ANTXR1: variants seen among roughly 807,000 people sequenced by gnomAD.
ANTXR1 encodes anthrax toxin receptor 1.
A neutral mutation model predicts 78.1 loss-of-function variants in ANTXR1; 19 were observed. That is an observed-to-expected ratio of 0.24 (90% CI 0.17 to 0.36). The LOEUF (loss-of-function observed/expected upper bound fraction) is 0.36, where lower values mean the gene tolerates loss of function less well. Ranked by LOEUF, ANTXR1 falls within the 10% of genes least tolerant of loss-of-function variation. ANTXR1 has a pLI of 1.00. For synonymous variants in ANTXR1, 273 were observed against 260.5 expected (o/e 1.05, Z -0.46); for missense variants, 518 against 718.6 (o/e 0.72, Z 3.19).
At chr2:69,138,360 A>C (rs1011057206) in intron 12 of ANTXR1, among the ~76,000 whole-genome samples, 1 of 152,202 alleles carries the variant, frequency 6.6e-6, no homozygotes, top group Non-Finnish European at 1.5e-5. Flanking sequence ...ATATTGTCCT[A>C]GTTGGCAGCT....
intron 13 of ANTXR1, among the ~76,000 whole-genome samples, chr2:69,158,789 G>A (rs10170227): frequency 0.5 from 76,552 of 152,066 alleles, 20,280 homozygotes; most frequent in East Asian, 0.9. Context: ...AAGCCATGAC[G>A]TTCACTAGGT....
Position 69,075,602 on chromosome 2 carries a change from C to T in ANTXR1, c.505C>T (p.Arg169Ter), listed in dbSNP as rs397514700. The T allele has an allele frequency of 1.2e-6, 2 of 1,614,040 alleles. No individual in the cohort carries two copies. Among genetic ancestry groups the T allele is most frequent in the Non-Finnish European group, 1.7e-6 (2 of 1,179,974 alleles). Residue 169 changes from arginine (R) to a stop codon, truncating the protein, a stop_gained, in exon 7 of 18, where the codon CGA becomes TGA. Transcript: ENST00000303714. LOFTEE classifies it high-confidence loss of function. ...FYSEREANRSRDLGAIVYCVG... is the reference protein window; with the variant it reads ...FYSEREANRS ...TTCCTTTTCCCAGGCTAATAGGTCTCGAGATCTTGGTGCAATTGTTTACTG... is the reference window on the plus strand; with the variant it reads ...TTCCTTTTCCCAGGCTAATAGGTCTTGAGATCTTGGTGCAATTGTTTACTG...
chr2:69,148,521 C>T (rs1263439417), intron 12 of ANTXR1, among the ~76,000 whole-genome samples: 3 of 152,158 alleles, frequency 2.0e-5, no homozygotes, highest in Non-Finnish European at 2.9e-5. Flanking sequence ...CAAGTTTGTC[C>T]ATCTCTCCTT....
chr2:69,148,330 A>G (rs1378189065), intron 12 of ANTXR1, among the ~76,000 whole-genome samples: 1 of 152,150 alleles, frequency 6.6e-6, no homozygotes, highest in African/African-American at 2.4e-5. Context: ...TTGTGCGGGA[A>G]TGCTGACACC....
At chr2:69,240,031 T>C (rs1675858352) in intron 17 of ANTXR1, among the ~76,000 whole-genome samples, 1 of 152,270 alleles carries the variant, frequency 6.6e-6, no homozygotes, top group African/African-American at 2.4e-5. Context: ...GGATTCTTGC[T>C]ATCCTTTCTC....
At chr2:69,184,847 A>C (rs74263546) in intron 16 of ANTXR1, among the ~76,000 whole-genome samples, 7,434 of 152,262 alleles carry the variant, frequency 0.049, 460 homozygotes, top group African/African-American at 0.14. Flanking sequence ...TGTCAGAATC[A>C]CCTGAGAGTG....
At chr2:69,157,230 C>T (rs1224325109) in intron 13 of ANTXR1, among the ~76,000 whole-genome samples, 3 of 152,102 alleles carry the variant, frequency 2.0e-5, no homozygotes, top group Non-Finnish European at 4.4e-5. Flanking sequence ...TCTCCTACGT[C>T]TCTGTGCAGT....
chr2:69,019,777 A>G (rs1168984268), intron 1 of ANTXR1, among the ~76,000 whole-genome samples: 1 of 149,574 alleles, frequency 6.7e-6, no homozygotes, highest in Non-Finnish European at 1.5e-5. Context: ...GTTCCCCTCT[A>G]TGTGTCCATG....
At chr2:69,171,193 TACAG>T (rs1673974196) in intron 14 of ANTXR1, among the ~76,000 whole-genome samples, 1 of 152,208 alleles carries the variant, frequency 6.6e-6, no homozygotes, top group Admixed American at 6.5e-5. Flanking sequence ...GTTTCCTACA[TACAG>T]AAAGAGTAAT....
In ANTXR1 at chr2:69,013,856, G is replaced by T. The variant is rs574751856; in HGVS notation, c.152+205G>T. 1.3e-5 allele frequency among the ~76,000 whole-genome samples: 2 copies of T among 152,350 alleles called. No individual in the cohort carries two copies. Among genetic ancestry groups the T allele is most frequent in the Non-Finnish European group, 2.9e-5 (2 of 68,034 alleles). On this transcript the variant is annotated intron_variant, in intron 1 of 17. Coordinates refer to ENST00000303714, the MANE Select transcript of ANTXR1 (RefSeq NM_032208.3). The surrounding 1 kb of genome is among the most constrained non-coding windows in gnomAD (Gnocchi z 5.0). The stretch of plus-strand genomic sequence containing the variant: ...CTCGGCTCCAGAGCCCGCAGCCGAG[G>T]CGACGCCGCTTGCTCGGAAGGGGAC...
intron 3 of ANTXR1, among the ~76,000 whole-genome samples, chr2:69,045,606 G>T (rs1234219981): frequency 3.3e-5 from 5 of 152,126 alleles, no homozygotes; most frequent in African/African-American, 9.7e-5. Context: ...CAGTACAGGG[G>T]GGGCAGGAAG....
intron 14 of ANTXR1, among the ~76,000 whole-genome samples, chr2:69,178,404 G>C (rs1024458046): frequency 2.0e-5 from 3 of 152,254 alleles, no homozygotes; most frequent in Non-Finnish European, 2.9e-5. Flanking sequence ...CGACGGGCTC[G>C]GTGGCGCGGC....
intron 17 of ANTXR1, among the ~76,000 whole-genome samples, chr2:69,209,127 G>C (rs1325388038): frequency 6.6e-6 from 1 of 152,188 alleles, no homozygotes; most frequent in Non-Finnish European, 1.5e-5. Context: ...CATCATCACA[G>C]AGAAGAACTT....
intron 7 of ANTXR1, 144 bp downstream of exon 7, chr2:69,075,802 T>C: frequency 1.2e-6 from 1 of 821,410 alleles, no homozygotes; most frequent in Non-Finnish European, 2.1e-6. Flanking sequence ...CAGGAAGGAA[T>C]TACTGGTTGT....
At chr2:69,032,204 A>G (rs1346061839) in intron 1 of ANTXR1, among the ~76,000 whole-genome samples, 1 of 152,238 alleles carries the variant, frequency 6.6e-6, no homozygotes, top group East Asian at 1.9e-4. Flanking sequence ...CATAACCATA[A>G]TGACATTAAG....
intron 17 of ANTXR1, among the ~76,000 whole-genome samples, chr2:69,226,971 G>A (rs1012689195): frequency 7.2e-5 from 11 of 152,120 alleles, no homozygotes; most frequent in African/African-American, 2.7e-4. Context: ...AATTAGTGCA[G>A]GCTGGATTCG....
intron 3 of ANTXR1, among the ~76,000 whole-genome samples, chr2:69,062,782 G>A (rs552252680): frequency 4.6e-5 from 7 of 152,156 alleles, no homozygotes; most frequent in African/African-American, 1.7e-4. Context: ...TTGAATTAAT[G>A]GACAGGGACT....
chr2:69,183,030 T>C, intron 16 of ANTXR1: 1 of 261,474 alleles, frequency 3.8e-6, no homozygotes, highest in Admixed American at 5.1e-5. Flanking sequence ...AAGCATGGAC[T>C]GTGAGTCAAG....
intron 12 of ANTXR1, among the ~76,000 whole-genome samples, chr2:69,148,069 C>T (rs528746275): frequency 1.1e-4 from 16 of 152,322 alleles, no homozygotes; most frequent in African/African-American, 3.1e-4. Flanking sequence ...TTCCCTCCTC[C>T]AGTCCATACT....
Sources: allele counts gnomAD v4.1 joint callset (sites outside exome capture counted in the v4.1 genomes callset), GRCh38; gene constraint gnomAD v4.1.1; non-coding constraint Gnocchi (gnomAD v3.1); transcripts MANE v1.5; gene names NCBI Gene and HGNC (gene_info 2026-07-23, HGNC 2026-07-21).